AMBRA1: variants seen among roughly 807,000 people sequenced by gnomAD.
AMBRA1 encodes the protein activating molecule in BECN1-regulated autophagy protein 1.
In AMBRA1, 47 loss-of-function variants were observed where a neutral mutation model predicts 125.4. The ratio of observed to expected loss-of-function variants is 0.37; its 90% CI spans 0.30 to 0.48. The LOEUF (loss-of-function observed/expected upper bound fraction) is 0.48, where lower values mean the gene tolerates loss of function less well. Ranked by LOEUF, AMBRA1 falls within the 20% of genes least tolerant of loss-of-function variation. AMBRA1 has a pLI of 0.99. For synonymous variants in AMBRA1, 626 were observed against 655.5 expected (o/e 0.95, Z 0.69); for missense variants, 1,331 against 1,693.4 (o/e 0.79, Z 3.76).
intron 12 of AMBRA1, among the ~76,000 whole-genome samples, chr11:46,441,863 T>G (rs1948024403): frequency 6.6e-6 from 1 of 150,710 alleles, no homozygotes; most frequent in South Asian, 2.1e-4. Context: ...TACTGTCACT[T>G]GAAAGAAGCA....
Position 46,434,031 on chromosome 11 carries a change from C to T in AMBRA1, c.2822-403G>A, listed in dbSNP as rs575430248. ...TCGGGAGGCTGAGGCAGGAGAATCG[C>T]TTGAACCCGGGAGGTAGAGGTTGCG... On this transcript the variant is annotated intron_variant, in intron 13 of 17. Coordinates refer to ENST00000683756, the MANE Select transcript of AMBRA1 (RefSeq NM_001387011.1). 5.5e-5 allele frequency among the ~76,000 whole-genome samples: 8 copies of T among 144,830 alleles called. No individual in the cohort carries two copies. The South Asian group carries it at 1.7e-3, about 31-fold the overall frequency.
chr11:46,584,370 T>C (rs1292728939), intron 1 of AMBRA1, among the ~76,000 whole-genome samples: 1 of 91,318 alleles, frequency 1.1e-5, no homozygotes, highest in African/African-American at 4.4e-5. Context: ...CTGGGGACTG[T>C]TGTGGGGTGG....
At position 46,443,504 on chromosome 11, in the gene AMBRA1, G is replaced by A. The variant is rs776437884; in HGVS notation, c.2616C>T (p.Leu872=). ...LQWWDFTKFD[L]PEISNASVNV... is the part of the protein sequence containing the mutation. ...TTGACTTACCATTACTGATTTCAGG[G>A]AGGTCAAACTTAGTGAAGTCCCACC... The change falls in exon 12 of 18, where the codon CTC becomes CTT. Residue 872 remains leucine, a synonymous_variant. Transcript: ENST00000683756. 6.2e-7 allele frequency: 1 copy of A among 1,613,892 alleles called. No individual in the cohort carries two copies. The highest frequency in any genetic ancestry group is 1.1e-5 in the South Asian group (1 of 91,050).
intron 15 of AMBRA1, among the ~76,000 whole-genome samples, chr11:46,412,339 A>G (rs997752711): frequency 6.6e-6 from 1 of 152,220 alleles, no homozygotes; most frequent in Non-Finnish European, 1.5e-5. Flanking sequence ...TCTGAAGTGC[A>G]GTGGTGTGAT....
chr11:46,530,047 C>A (rs181155846), intron 7 of AMBRA1, among the ~76,000 whole-genome samples: 1 of 152,272 alleles, frequency 6.6e-6, no homozygotes, highest in African/African-American at 2.4e-5. Flanking sequence ...AACAGAACCC[C>A]ATACACCTGG....
intron 9 of AMBRA1, chr11:46,495,139 A>T (rs1342853468): frequency 2.0e-5 from 3 of 152,254 alleles, no homozygotes; most frequent in Admixed American, 1.3e-4. Flanking sequence ...CACATGTTTT[A>T]GTTTCCAGTA....
chr11:46,578,054 C>A (rs2044021915), intron 1 of AMBRA1, among the ~76,000 whole-genome samples: 1 of 151,860 alleles, frequency 6.6e-6, no homozygotes, highest in South Asian at 2.1e-4. Context: ...AGCTTGAGTT[C>A]AAGGCTACAG....
chr11:46,547,387 C>G, intron 3 of AMBRA1, 91 bp from the exon 4 acceptor site: 1 of 1,093,926 alleles, frequency 9.1e-7, no homozygotes, highest in Non-Finnish European at 1.3e-6. Context: ...ATTGATGCTA[C>G]CTGCCAATCC....
intron 11 of AMBRA1, among the ~76,000 whole-genome samples, chr11:46,468,120 G>T (rs11038898): frequency 6.6e-6 from 1 of 152,330 alleles, no homozygotes; most frequent in East Asian, 1.9e-4. Flanking sequence ...TTTGTTGAAT[G>T]AAGAAATGGC....
At chr11:46,592,094 C>A (rs1016692090) in intron 1 of AMBRA1, among the ~76,000 whole-genome samples, 6 of 151,480 alleles carry the variant, frequency 4.0e-5, no homozygotes, top group Admixed American at 6.6e-5. Flanking sequence ...TACAGGCATG[C>A]GCCACCACGC....
chr11:46,545,821 A>G (rs1952990314), intron 4 of AMBRA1, 45 bp from the exon 5 acceptor site: 1 of 1,593,108 alleles, frequency 6.3e-7, no homozygotes. Context: ...ACAAGCTACC[A>G]GCACACTGGG....
intron 9 of AMBRA1, among the ~76,000 whole-genome samples, chr11:46,496,134 G>A (rs999959661): frequency 6.6e-6 from 1 of 152,072 alleles, no homozygotes; most frequent in African/African-American, 2.4e-5. Context: ...AACACTCTGG[G>A]AGGCTGAGGC....
rs1216536369 is a variant in AMBRA1, at chr11:46,542,063, G to A, written c.1954C>T (p.Gln652Ter). ...ATTCTTTCCCAGTGGCCTGTCTCCTGGTTAAAGGCCACCCCCACAGTCCTC... is the reference window on the plus strand; with the variant it reads ...ATTCTTTCCCAGTGGCCTGTCTCCTAGTTAAAGGCCACCCCCACAGTCCTC... ...EERTVGVAFN[Q>*]ETGHWERIYT... The change falls in exon 7 of 18, where the codon CAG becomes TAG. Residue 652 changes from glutamine (Q) to a stop codon, truncating the protein, a stop_gained. Transcript: ENST00000683756. LOFTEE classifies it high-confidence loss of function. This position sits in a 1 kb window ranked among gnomAD's most constrained non-coding sequence, Gnocchi z 5.9. The A allele has an allele frequency of 6.2e-7, 1 of 1,613,892 alleles. No homozygotes were observed. Among genetic ancestry groups the A allele is most frequent in the Admixed American group, 1.7e-5 (1 of 59,936 alleles).
chr11:46,435,238 G>A (rs1947664330), intron 12 of AMBRA1, among the ~76,000 whole-genome samples: 1 of 152,174 alleles, frequency 6.6e-6, no homozygotes, highest in African/African-American at 2.4e-5. Context: ...TCCCACCTTA[G>A]CAGGAAACTA....
intron 11 of AMBRA1, among the ~76,000 whole-genome samples, chr11:46,447,733 T>C (rs1452139432): frequency 4.6e-5 from 6 of 131,192 alleles, no homozygotes; most frequent in Non-Finnish European, 1.1e-4. Flanking sequence ...GATAGATAGA[T>C]AGATAGATAG....
chr11:46,482,477 G>A (rs767346385), intron 11 of AMBRA1, among the ~76,000 whole-genome samples: 3 of 152,170 alleles, frequency 2.0e-5, no homozygotes, highest in Non-Finnish European at 2.9e-5. Context: ...ATATCAATAT[G>A]GTAGATTCTG....
chr11:46,544,707 T>C (rs1433576804), intron 5 of AMBRA1, among the ~76,000 whole-genome samples: 1 of 152,066 alleles, frequency 6.6e-6, no homozygotes, highest in Admixed American at 6.5e-5. Context: ...CAGTTAGCTT[T>C]GAAACTAAAA....
chr11:46,537,339 A>T (rs1952524979), intron 7 of AMBRA1, among the ~76,000 whole-genome samples: 1 of 152,224 alleles, frequency 6.6e-6, no homozygotes, highest in African/African-American at 2.4e-5. Context: ...TTCAGGGCCC[A>T]GGAGTTCAAA....
At chr11:46,527,884 G>A (rs1470279672) in intron 7 of AMBRA1, among the ~76,000 whole-genome samples, 3 of 152,124 alleles carry the variant, frequency 2.0e-5, no homozygotes, top group Non-Finnish European at 4.4e-5. Flanking sequence ...CAGCTGCTAT[G>A]GAAAACAGTA....
Sources: gnomAD v4.1 joint callset for allele counts (sites outside exome capture counted in the v4.1 genomes callset) on GRCh38, gnomAD v4.1.1 for gene constraint, Gnocchi (gnomAD v3.1) non-coding constraint, MANE v1.5 for transcripts, NCBI Gene and HGNC (gene_info 2026-07-23, HGNC 2026-07-21) for gene names.